The following SEL1L2 variants were observed in gnomAD, a reference collection of about 807,000 sequenced individuals.
SEL1L2 encodes protein sel-1 homolog 2.
SEL1L2 carries 89 observed loss-of-function variants against 98.8 expected under a neutral mutation model. That is an observed-to-expected ratio of 0.90 (90% CI 0.76 to 1.07). The LOEUF (loss-of-function observed/expected upper bound fraction) is 1.07. Among genes scored for constraint, SEL1L2 ranks in the 50% least tolerant of loss-of-function variants. The pLI, the probability that SEL1L2 is intolerant of heterozygous loss-of-function variation, is 0.00. For synonymous variants in SEL1L2, 262 were observed against 278.5 expected (o/e 0.94, Z 0.59); for missense variants, 788 against 812.0 (o/e 0.97, Z 0.36).
intron 12 of SEL1L2, among the ~76,000 whole-genome samples, chr20:13,873,209 C>T (rs1390757542): frequency 6.6e-6 from 1 of 151,716 alleles, no homozygotes; most frequent in East Asian, 1.9e-4. Flanking sequence ...AGGCTGGTCT[C>T]GAACTCCTGA....
intron 18 of SEL1L2, among the ~76,000 whole-genome samples, chr20:13,857,216 T>C (rs1334630911): frequency 6.6e-6 from 1 of 151,802 alleles, no homozygotes; most frequent in East Asian, 1.9e-4. Flanking sequence ...TTTTTTTTTT[T>C]TAATGTAGAG....
At chr20:13,968,502 CATATTAACTGATGACA>C (rs1286833823) in intron 1 of SEL1L2, among the ~76,000 whole-genome samples, 2 of 152,188 alleles carry the variant, frequency 1.3e-5, no homozygotes, top group African/African-American at 4.8e-5. Flanking sequence ...TGCGGTGGAA[CATATTAACTGATGACA>C]ATATTAACTG....
At position 13,983,105 on chromosome 20, in the gene SEL1L2, G is replaced by C. The variant is rs547136590; in HGVS notation, c.58+7372C>G. Among the ~76,000 whole-genome samples the C allele has an allele frequency of 4.8e-5, 7 of 145,164 alleles. No homozygotes were observed. In the East Asian group the frequency reaches 1.5e-3, roughly 31 times the overall value. On this transcript the variant is annotated intron_variant, in intron 1 of 19. Coordinates refer to ENST00000284951, the MANE Select transcript of SEL1L2 (RefSeq NM_025229.2). ...AAAAAACACATGATTAGTTTAACAT[G>C]ATTAGTTTTCCTTCCATTTTTCTAA...
intron 1 of SEL1L2, among the ~76,000 whole-genome samples, chr20:13,977,378 G>A (rs2051592093): frequency 6.6e-6 from 1 of 152,210 alleles, no homozygotes; most frequent in African/African-American, 2.4e-5. Flanking sequence ...AAGATGGTGA[G>A]TAATGTCACA....
At chr20:13,880,182 T>C (rs969791156) in intron 10 of SEL1L2, among the ~76,000 whole-genome samples, 4 of 152,250 alleles carry the variant, frequency 2.6e-5, no homozygotes, top group African/African-American at 9.6e-5. Context: ...TCTAGTATTA[T>C]GATTCTGTAA....
At chr20:13,940,765 T>C (rs34853329) in intron 2 of SEL1L2, among the ~76,000 whole-genome samples, 26,364 of 151,984 alleles carry the variant, frequency 0.17, 3,002 homozygotes, top group Non-Finnish European at 0.25. Context: ...AAAACCCTGG[T>C]GGCAGGCACC....
chr20:13,868,756 C>T (rs542455231), intron 14 of SEL1L2, among the ~76,000 whole-genome samples: 14 of 152,002 alleles, frequency 9.2e-5, no homozygotes, highest in South Asian at 8.3e-4. Context: ...TACAGGCAGC[C>T]GCCACCATGC....
intron 1 of SEL1L2, among the ~76,000 whole-genome samples, chr20:13,980,389 G>A (rs781059646): frequency 3.9e-5 from 6 of 152,134 alleles, no homozygotes; most frequent in Non-Finnish European, 8.8e-5. Context: ...TTTATTTTTA[G>A]TAGAGATAGG....
At chr20:13,918,893 C>T in intron 4 of SEL1L2, 128 bp downstream of exon 4, 1 of 632,678 alleles carries the variant, frequency 1.6e-6, no homozygotes, top group Non-Finnish European at 2.8e-6. Context: ...CTTTTAAAAA[C>T]AATAGTTTAT....
intron 18 of SEL1L2, among the ~76,000 whole-genome samples, chr20:13,850,892 T>G (rs1180865557): frequency 6.6e-6 from 1 of 152,164 alleles, no homozygotes; most frequent in Non-Finnish European, 1.5e-5. Flanking sequence ...TCCAGAAAGC[T>G]TTCTTGGATA....
chr20:13,870,167 AAAG>A lies in SEL1L2; in HGVS notation c.1138_1140del (p.Leu380del), dbSNP rs1216767591. On this transcript the variant is annotated inframe_deletion, in exon 13 of 20. Coordinates refer to ENST00000284951, the MANE Select transcript of SEL1L2 (RefSeq NM_025229.2). ...AGGGGAACTCCTTTTCCATGAAAGT[AAAG>A]AAGACCAAGCCCATGAAGGCCGATT... 6.2e-7 allele frequency: 1 copy of A among 1,611,132 alleles called. No individual in the cohort carries two copies. The highest frequency in any genetic ancestry group is 8.5e-7 in the Non-Finnish European group (1 of 1,177,940).
At chr20:13,860,053 T>C (rs1377947012) in intron 17 of SEL1L2, among the ~76,000 whole-genome samples, 1 of 152,226 alleles carries the variant, frequency 6.6e-6, no homozygotes, top group African/African-American at 2.4e-5. Flanking sequence ...TTAATTTTTT[T>C]AAGTAGATTA....
chr20:13,923,906 A>G (rs960861250), intron 3 of SEL1L2, among the ~76,000 whole-genome samples: 16 of 152,264 alleles, frequency 1.1e-4, no homozygotes, highest in African/African-American at 3.8e-4. Flanking sequence ...TTTCTAAGAG[A>G]TGTTAAAAAA....
rs544060293 is a variant in SEL1L2 at position 13,851,069 on chromosome 20, C to T, written c.1819-750G>A. On this transcript the variant is annotated intron_variant, in intron 18 of 19. Coordinates refer to ENST00000284951, the MANE Select transcript of SEL1L2 (RefSeq NM_025229.2). ...CTGGCCAATATGGTGAAACCCTGTC[C>T]CTACTAAAAATGCAAAAAGTAGTCA... Among the ~76,000 whole-genome samples the T allele has an allele frequency of 1.9e-4, 29 of 152,088 alleles. No homozygotes were observed. The South Asian group carries it at 6.0e-3, about 32-fold the overall frequency.
chr20:13,946,779 G>C (rs2050031865), intron 2 of SEL1L2, among the ~76,000 whole-genome samples: 2 of 93,266 alleles, frequency 2.1e-5, no homozygotes, highest in Non-Finnish European at 4.2e-5. Flanking sequence ...CCCACTGCCT[G>C]GCCTCTCCCA....
At chr20:13,976,713 T>C (rs553642488) in intron 1 of SEL1L2, among the ~76,000 whole-genome samples, 6 of 152,290 alleles carry the variant, frequency 3.9e-5, no homozygotes, top group East Asian at 3.9e-4. Flanking sequence ...CAGTAATGTA[T>C]GTGGATAAGA....
intron 3 of SEL1L2, among the ~76,000 whole-genome samples, chr20:13,921,074 T>C (rs1028880846): frequency 6.6e-6 from 1 of 152,198 alleles, no homozygotes; most frequent in African/African-American, 2.4e-5. Context: ...TTTTGAAAGA[T>C]TGGCTCTGTA....
intron 15 of SEL1L2, 31 bp downstream of exon 15, chr20:13,866,671 T>C (rs1374879050): frequency 2.7e-6 from 4 of 1,492,034 alleles, no homozygotes; most frequent in South Asian, 3.0e-5. Context: ...ATATGACAAG[T>C]GCTTTAAAAA....
chr20:13,934,435 TATATATATTCC>T (rs2049333559), intron 2 of SEL1L2, among the ~76,000 whole-genome samples: 6 of 128,424 alleles, frequency 4.7e-5, no homozygotes, highest in Non-Finnish European at 6.3e-5. Context: ...ATATATTCCA[TATATATATTCC>T]ATATATATAT....
Sources: allele counts gnomAD v4.1 joint callset (sites outside exome capture counted in the v4.1 genomes callset), GRCh38; gene constraint gnomAD v4.1.1; transcripts MANE v1.5; gene names NCBI Gene and HGNC (gene_info 2026-07-23, HGNC 2026-07-21).